Variants in ZDHHC7 observed in about 807,000 individuals in gnomAD.
ZDHHC7 encodes the protein zDHHC palmitoyltransferase 7, also known as palmitoyltransferase ZDHHC7.
In ZDHHC7, 12 loss-of-function variants were observed where a neutral mutation model predicts 34.1. The observed-to-expected ratio is 0.35, with a 90% CI of 0.23 to 0.57. ZDHHC7 has a LOEUF of 0.57. Among genes scored for constraint, ZDHHC7 ranks in the 20% least tolerant of loss-of-function variants. ZDHHC7 has a pLI of 0.84. For missense variants in ZDHHC7, 388 were observed against 402.7 expected, an observed-to-expected ratio of 0.96 and a Z score of 0.31; for synonymous variants, 185 against 155.4, an observed-to-expected ratio of 1.19 and a Z score of -1.42.
chr16:84,983,800 G>C (rs568715706), intron 3 of ZDHHC7, among the ~76,000 whole-genome samples: 3 of 151,926 alleles, frequency 2.0e-5, no homozygotes, highest in African/African-American at 4.8e-5. Flanking sequence ...AGGAGTTCAA[G>C]ACCAGCCTGG....
intron 5 of ZDHHC7, among the ~76,000 whole-genome samples, chr16:84,978,862 C>CAAAAAA (rs200114312): frequency 9.3e-6 from 1 of 107,464 alleles, no homozygotes; most frequent in Non-Finnish European, 1.9e-5. Flanking sequence ...AACTCCATCT[C>CAAAAAA]AAAAAAAAAA....
At chr16:85,014,627 A>G (rs763165957), upstream of ZDHHC7, among the ~76,000 whole-genome samples, 1 of 152,214 alleles carries the variant, frequency 6.6e-6, no homozygotes, top group African/African-American at 2.4e-5. Flanking sequence ...AACATGCTAC[A>G]TGATCCAGTC....
chr16:84,986,525 A>C (rs764794198), intron 3 of ZDHHC7, among the ~76,000 whole-genome samples: 1 of 152,192 alleles, frequency 6.6e-6, no homozygotes, highest in Non-Finnish European at 1.5e-5. Context: ...GGCTCTAACA[A>C]GTAAAGGGAT....
chr16:84,981,412 G>A (rs1263103670), intron 4 of ZDHHC7, among the ~76,000 whole-genome samples: 1 of 152,216 alleles, frequency 6.6e-6, no homozygotes, highest in African/African-American at 2.4e-5. Flanking sequence ...CACCACCCCA[G>A]GTAAGAACAA....
intron 3 of ZDHHC7, among the ~76,000 whole-genome samples, chr16:84,987,150 G>A (rs1264213324): frequency 1.3e-5 from 2 of 152,232 alleles, no homozygotes; most frequent in African/African-American, 4.8e-5. Context: ...CCAGCAGCCA[G>A]AAGCATCCTT....
intron 1 of ZDHHC7, among the ~76,000 whole-genome samples, chr16:85,010,331 G>C (rs960297901): frequency 5.3e-5 from 8 of 152,068 alleles, no homozygotes; most frequent in South Asian, 2.1e-4. Context: ...GTGCGTACCA[G>C]GCCACAAAGT....
intron 1 of ZDHHC7, among the ~76,000 whole-genome samples, chr16:85,005,968 T>G (rs565443638): frequency 5.1e-4 from 77 of 152,226 alleles, no homozygotes; most frequent in African/African-American, 1.8e-3. Flanking sequence ...CAACCCAAAT[T>G]TAGGCAGCCC....
At position 84,990,641 on chromosome 16, in the gene ZDHHC7, G is replaced by A. The variant is rs1246152477; in HGVS notation, c.-17-6C>T. ...CATGATTTCCCTGACGCACCCTGGG[G>A]AGGGGGACGACACAGAGCTGGTAAG... On this transcript the variant is annotated splice_polypyrimidine_tract_variant and splice_region_variant and intron_variant, in intron 2 of 7. Coordinates refer to ENST00000313732, the MANE Select transcript of ZDHHC7 (RefSeq NM_017740.3). The A allele has an allele frequency of 6.2e-6, 10 of 1,606,518 alleles. No homozygotes were observed. The highest frequency in any genetic ancestry group is 1.1e-5 in the South Asian group (1 of 90,262).
rs1486253666 is a variant in ZDHHC7, at chr16:84,990,643, G to A, written c.-17-8C>T. The A allele has an allele frequency of 1.2e-6, 2 of 1,605,764 alleles. No individual in the cohort carries two copies. The highest frequency in any genetic ancestry group is 1.7e-4 in the Middle Eastern group (1 of 6,020). On this transcript the variant is annotated splice_polypyrimidine_tract_variant and splice_region_variant and intron_variant, in intron 2 of 7. Transcript: ENST00000313732. Reference sequence around the variant, plus strand: ...TGATTTCCCTGACGCACCCTGGGGAGGGGGACGACACAGAGCTGGTAAGGC... The same window carrying A: ...TGATTTCCCTGACGCACCCTGGGGAAGGGGACGACACAGAGCTGGTAAGGC...
chr16:84,992,306 A>G (rs2072520880), intron 2 of ZDHHC7, among the ~76,000 whole-genome samples: 2 of 147,510 alleles, frequency 1.4e-5, no homozygotes, highest in African/African-American at 5.2e-5. Context: ...GTCTCTACTA[A>G]AAATATAAAA....
At chr16:85,009,328 T>C (rs1033080779) in intron 1 of ZDHHC7, among the ~76,000 whole-genome samples, 3 of 152,136 alleles carry the variant, frequency 2.0e-5, no homozygotes, top group Non-Finnish European at 2.9e-5. Context: ...ATTGTTCTTA[T>C]ATAAAGTTCA....
chr16:84,975,398 C>T lies in ZDHHC7; in HGVS notation c.*945G>A, dbSNP rs1317693712. 1 of 152,280 alleles carries T rather than the reference C, an allele frequency of 6.6e-6. No homozygotes were observed. Among genetic ancestry groups the T allele is most frequent in the Non-Finnish European group, 1.5e-5 (1 of 68,082 alleles). 9.4% of individuals were successfully genotyped at this position (152,280 alleles called of 1,614,324 possible). A position where few individuals can be genotyped will look rare whatever the true frequency, so the allele number is the denominator to read the frequency against. ...CCCCAAGTATCAAGTCACCGAGCCG[C>T]AGCTCTGCTCTTACCTAGGTGCCAT... On this transcript the variant is annotated 3_prime_UTR_variant, in exon 8 of 8. Transcript: ENST00000313732.
At chr16:84,980,597 G>C (rs1195036818) in intron 4 of ZDHHC7, among the ~76,000 whole-genome samples, 1 of 152,090 alleles carries the variant, frequency 6.6e-6, no homozygotes, top group Non-Finnish European at 1.5e-5. Context: ...TTGAGCCTGA[G>C]AGGCAGAGGT....
chr16:84,998,878 C>A (rs1435385179), intron 1 of ZDHHC7, among the ~76,000 whole-genome samples: 1 of 151,814 alleles, frequency 6.6e-6, no homozygotes, highest in African/African-American at 2.4e-5. Flanking sequence ...CTCAGCCTCC[C>A]GAGTAGCTGG....
chr16:85,011,682 C>T (rs544534097), upstream of ZDHHC7: 3 of 152,360 alleles, frequency 2.0e-5, no homozygotes, highest in East Asian at 1.9e-4. Context: ...AGTCACAGCC[C>T]CTCTCGCTAA....
chr16:84,998,069 GCTA>G (rs1452145921), intron 1 of ZDHHC7, among the ~76,000 whole-genome samples: 3 of 148,840 alleles, frequency 2.0e-5, no homozygotes, highest in Admixed American at 6.7e-5. Context: ...GACCAACCTA[GCTA>G]CTAACACGGT....
chr16:85,009,354 TCTCA>T (rs2072758760), intron 1 of ZDHHC7, among the ~76,000 whole-genome samples: 1 of 152,050 alleles, frequency 6.6e-6, no homozygotes, highest in Non-Finnish European at 1.5e-5. Context: ...GTGCTTTCTT[TCTCA>T]CTGAGAGGGC....
chr16:85,022,377 AGC>A, the ZDHHC7 span, among the ~76,000 whole-genome samples: 1 of 151,960 alleles, frequency 6.6e-6, no homozygotes, highest in Non-Finnish European at 1.5e-5. Flanking sequence ...AAAAAAAATT[AGC>A]CAGGCATGAT....
At chr16:84,987,823 C>A (rs1307023072) in intron 3 of ZDHHC7, among the ~76,000 whole-genome samples, 1 of 152,190 alleles carries the variant, frequency 6.6e-6, no homozygotes. Context: ...AGACGCAATG[C>A]CTGGTGAGAG....
Sources: gnomAD v4.1 joint callset for allele counts (sites outside exome capture counted in the v4.1 genomes callset) on GRCh38, gnomAD v4.1.1 for gene constraint, MANE v1.5 for transcripts, NCBI Gene and HGNC (gene_info 2026-07-23, HGNC 2026-07-21) for gene names.